The following PKNOX2 variants were observed in gnomAD, a reference collection of about 807,000 sequenced individuals.
PKNOX2 encodes the protein homeobox protein PKNOX2.
PKNOX2 carries 14 observed loss-of-function variants against 53.1 expected under a neutral mutation model. The ratio of observed to expected loss-of-function variants is 0.26; its 90% CI spans 0.17 to 0.41. The LOEUF is 0.41. Ranked by LOEUF, PKNOX2 falls within the 10% of genes least tolerant of loss-of-function variation. The pLI is 1.00. For missense variants in PKNOX2, 496 were observed against 602.8 expected (o/e 0.82, Z 1.85); for synonymous variants, 257 against 242.8 (o/e 1.06, Z -0.54).
intron 2 of PKNOX2, among the ~76,000 whole-genome samples, chr11:125,274,091 C>A (rs1288882382): frequency 3.3e-5 from 5 of 152,200 alleles, no homozygotes; most frequent in Non-Finnish European, 7.4e-5. Context: ...AGTGTGTATT[C>A]TGTGCCTAAA....
intron 2 of PKNOX2, among the ~76,000 whole-genome samples, chr11:125,237,444 T>C (rs1288373259): frequency 1.3e-5 from 2 of 152,196 alleles, no homozygotes; most frequent in Non-Finnish European, 2.9e-5. Flanking sequence ...AGAATAGGAA[T>C]GTATCTTGTT....
Position 125,382,322 on chromosome 11 carries a change from C to T in PKNOX2, c.228-3229C>T, listed in dbSNP as rs560222663. On this transcript the variant is annotated intron_variant, in intron 5 of 12. Coordinates refer to ENST00000298282, the MANE Select transcript of PKNOX2 (RefSeq NM_001382323.2). Reference sequence around the variant, plus strand: ...CTTGGTGCACACACATGCATATGCACGCGCACACACACACAAGCACACACA... The same window carrying T: ...CTTGGTGCACACACATGCATATGCATGCGCACACACACACAAGCACACACA... Among the ~76,000 whole-genome samples, 21 of 152,318 alleles carry T rather than the reference C, an allele frequency of 1.4e-4. No homozygotes were observed. In the South Asian group the frequency reaches 2.1e-3, roughly 15 times the overall value.
intron 7 of PKNOX2, among the ~76,000 whole-genome samples, chr11:125,405,178 C>G (rs76641064): frequency 0.042 from 6,336 of 152,332 alleles, 377 homozygotes; most frequent in African/African-American, 0.13. Flanking sequence ...CTTTTACAGT[C>G]CTCAGCTGGA....
At chr11:125,404,830 T>C (rs1342996526) in intron 7 of PKNOX2, among the ~76,000 whole-genome samples, 1 of 152,186 alleles carries the variant, frequency 6.6e-6, no homozygotes, top group Non-Finnish European at 1.5e-5. Context: ...GAGAGAACCA[T>C]TCTGTTGTGT....
intron 1 of PKNOX2, among the ~76,000 whole-genome samples, chr11:125,209,217 T>G (rs1391489760): frequency 6.6e-6 from 1 of 152,074 alleles, no homozygotes; most frequent in Non-Finnish European, 1.5e-5. Flanking sequence ...TAAATCCACT[T>G]TACAGGTGAA....
intron 1 of PKNOX2, among the ~76,000 whole-genome samples, chr11:125,181,329 A>G (rs1342704672): frequency 6.6e-6 from 1 of 152,246 alleles, no homozygotes; most frequent in Non-Finnish European, 1.5e-5. Flanking sequence ...GCATTACGAG[A>G]CAGTAGAGTG....
At chr11:125,233,303 G>A (rs61089114) in intron 1 of PKNOX2, among the ~76,000 whole-genome samples, 4,519 of 152,282 alleles carry the variant, frequency 0.03, 210 homozygotes, top group African/African-American at 0.1. Context: ...ACAGGGCAGG[G>A]ATAGAGCATA....
At chr11:125,171,046 A>C (rs1955279535) in intron 1 of PKNOX2, among the ~76,000 whole-genome samples, 1 of 152,192 alleles carries the variant, frequency 6.6e-6, no homozygotes, top group Non-Finnish European at 1.5e-5. Flanking sequence ...GTCACAGGGC[A>C]CTGAGGCTTG....
At chr11:125,259,510 G>T (rs1325790697) in intron 2 of PKNOX2, among the ~76,000 whole-genome samples, 1 of 152,146 alleles carries the variant, frequency 6.6e-6, no homozygotes, top group Admixed American at 6.5e-5. Flanking sequence ...TACCTCTGTT[G>T]TACCCTGGCC....
At chr11:125,251,113 C>T (rs10893359) in intron 2 of PKNOX2, among the ~76,000 whole-genome samples, 78,511 of 152,084 alleles carry the variant, frequency 0.52, 20,952 homozygotes, top group East Asian at 0.72. Flanking sequence ...TCACGGGAGG[C>T]GTGTGACTTC....
Position 125,431,424 on chromosome 11 carries a change from C to A in PKNOX2, c.*32C>A. 7.2e-7 allele frequency: 1 copy of A among 1,386,950 alleles called. No homozygotes were observed. Among genetic ancestry groups the A allele is most frequent in the Admixed American group, 2.1e-5 (1 of 47,114 alleles). 85.9% of individuals were successfully genotyped at this position (1,386,950 alleles called of 1,614,324 possible). A position where few individuals can be genotyped will look rare whatever the true frequency, so the allele number is the denominator to read the frequency against. On this transcript the variant is annotated 3_prime_UTR_variant, in exon 13 of 13. Transcript: ENST00000298282. Reference sequence around the variant, plus strand: ...AGCCCAGATGGCACTGATCACTGAGCAGGAGAGGAGTGTCGCCGGGAGGCC... The same window carrying A: ...AGCCCAGATGGCACTGATCACTGAGAAGGAGAGGAGTGTCGCCGGGAGGCC...
At chr11:125,403,624 G>A (rs765524131) in intron 7 of PKNOX2, among the ~76,000 whole-genome samples, 28 of 152,308 alleles carry the variant, frequency 1.8e-4, no homozygotes, top group Middle Eastern at 3.4e-3. Context: ...GCTGGAGTCC[G>A]GGATGGGCTA....
intron 2 of PKNOX2, among the ~76,000 whole-genome samples, chr11:125,286,197 G>C (rs952495463): frequency 5.3e-5 from 8 of 152,184 alleles, no homozygotes; most frequent in Non-Finnish European, 1.0e-4. Flanking sequence ...ACAGATGTGG[G>C]GCCAGGGCAT....
chr11:125,403,893 G>A (rs1289486231), intron 7 of PKNOX2, among the ~76,000 whole-genome samples: 4 of 152,206 alleles, frequency 2.6e-5, no homozygotes, highest in African/African-American at 9.6e-5. Flanking sequence ...ATGCGACTCT[G>A]CAGCTCTGCG....
At chr11:125,430,685 C>T (rs1956657648) in intron 12 of PKNOX2, among the ~76,000 whole-genome samples, 1 of 152,018 alleles carries the variant, frequency 6.6e-6, no homozygotes, top group Admixed American at 6.5e-5. Context: ...GCACACATAA[C>T]CTCATGCACA....
chr11:125,360,959 C>T (rs1300730217), intron 4 of PKNOX2, among the ~76,000 whole-genome samples: 1 of 152,236 alleles, frequency 6.6e-6, no homozygotes, highest in African/African-American at 2.4e-5. Context: ...TTCATCCCAG[C>T]ACAGCGTGCT....
chr11:125,167,771 T>C (rs1955004156), intron 1 of PKNOX2, among the ~76,000 whole-genome samples: 2 of 152,098 alleles, frequency 1.3e-5, no homozygotes, highest in South Asian at 4.1e-4. Context: ...CAGTGGCAAA[T>C]CCAGTACCTC....
intron 1 of PKNOX2, among the ~76,000 whole-genome samples, chr11:125,227,828 C>T (rs186427851): frequency 7.2e-5 from 11 of 152,326 alleles, no homozygotes; most frequent in Admixed American, 3.3e-4. Flanking sequence ...TCTTCATTAA[C>T]GCCGTTTGAG....
intron 3 of PKNOX2, among the ~76,000 whole-genome samples, chr11:125,340,785 C>T (rs1950641320): frequency 6.6e-6 from 1 of 152,192 alleles, no homozygotes; most frequent in Non-Finnish European, 1.5e-5. Context: ...GGCGCGGTGG[C>T]TCACGCCCGT....
Sources: allele counts gnomAD v4.1 joint callset (sites outside exome capture counted in the v4.1 genomes callset), GRCh38; gene constraint gnomAD v4.1.1; transcripts MANE v1.5; gene names NCBI Gene and HGNC (gene_info 2026-07-23, HGNC 2026-07-21).